SCAPER: variants seen among roughly 807,000 people sequenced by gnomAD.
SCAPER encodes the protein S-phase cyclin A associated protein in the ER, also known as S phase cyclin A-associated protein in the endoplasmic reticulum.
Under a neutral mutation model 182.2 loss-of-function variants are expected in SCAPER, and 98 were observed. The observed-to-expected ratio is 0.54, with a 90% CI of 0.46 to 0.64. SCAPER has a LOEUF of 0.64. SCAPER is among the 30% of genes least tolerant of loss of function. The pLI is 0.00. For synonymous variants in SCAPER, 605 were observed against 564.6 expected (o/e 1.07, Z -1.01); for missense variants, 1,432 against 1,690.0 (o/e 0.85, Z 2.68).
rs184145910 is a variant in SCAPER, at chr15:76,847,490, C to G, written c.196-5559G>C. On this transcript the variant is annotated intron_variant, in intron 4 of 31. Coordinates refer to ENST00000563290, the MANE Select transcript of SCAPER (RefSeq NM_020843.4). Reference sequence around the variant, plus strand: ...CTAAGAGTGTAACTAGATTATAATACAAAGGATAAATGTTTGAGGGGATGA... The same window carrying G: ...CTAAGAGTGTAACTAGATTATAATAGAAAGGATAAATGTTTGAGGGGATGA... 2.0e-5 allele frequency among the ~76,000 whole-genome samples: 3 copies of G among 152,130 alleles called. No individual in the cohort carries two copies. In the East Asian group the frequency reaches 5.8e-4, roughly 29 times the overall value.
intron 25 of SCAPER, among the ~76,000 whole-genome samples, chr15:76,437,947 GA>G (rs1346298748): frequency 6.6e-6 from 1 of 152,100 alleles, no homozygotes; most frequent in African/African-American, 2.4e-5. Context: ...ACTGTAACAA[GA>G]TGTGGTTTCT....
intron 15 of SCAPER, among the ~76,000 whole-genome samples, chr15:76,741,592 A>G (rs1483697548): frequency 6.6e-6 from 1 of 152,118 alleles, no homozygotes; most frequent in African/African-American, 2.4e-5. Context: ...CTGCCTACAG[A>G]GTTAGAGAAC....
chr15:76,361,034 A>G (rs907121650), intron 29 of SCAPER, among the ~76,000 whole-genome samples: 3 of 152,106 alleles, frequency 2.0e-5, no homozygotes, highest in African/African-American at 7.2e-5. Flanking sequence ...AAAAAAAAAA[A>G]AAAGGAAAGT....
At chr15:76,528,301 A>G (rs2043358366) in intron 23 of SCAPER, among the ~76,000 whole-genome samples, 1 of 151,910 alleles carries the variant, frequency 6.6e-6, no homozygotes, top group Non-Finnish European at 1.5e-5. Flanking sequence ...ATCCATTTCT[A>G]CTGTTTCCTT....
chr15:76,777,531 C>T (rs1481825557), intron 8 of SCAPER, among the ~76,000 whole-genome samples: 2 of 87,824 alleles, frequency 2.3e-5, no homozygotes, highest in Non-Finnish European at 5.1e-5. Context: ...CCCATCTCTA[C>T]TAAATACAAA....
In SCAPER at chr15:76,851,450, G is replaced by T. The variant is rs149379167; in HGVS notation, c.195+6359C>A. ...GAAGGTAGCTTTAATAGAGAGAAAG[G>T]GCAGGTCACCTACAAAGGGAACCTC... On this transcript the variant is annotated intron_variant, in intron 4 of 31. Coordinates refer to ENST00000563290, the MANE Select transcript of SCAPER (RefSeq NM_020843.4). Among the ~76,000 whole-genome samples the T allele has an allele frequency of 6.0e-3, 907 of 151,816 alleles. 4 individuals carry two copies. The highest frequency in any genetic ancestry group is 0.021 in the African/African-American group (874 of 41,362).
chr15:76,681,794 C>T (rs745673609), intron 20 of SCAPER, among the ~76,000 whole-genome samples: 1 of 152,078 alleles, frequency 6.6e-6, no homozygotes, highest in Non-Finnish European at 1.5e-5. Flanking sequence ...CTTAGAGGGG[C>T]GGTAGGGGCA....
intron 14 of SCAPER, among the ~76,000 whole-genome samples, chr15:76,755,884 G>C (rs2062392858): frequency 6.6e-6 from 1 of 152,158 alleles, no homozygotes. Flanking sequence ...ACGAAGGCCA[G>C]CAAATAACTG....
chr15:76,568,554 G>A (rs947044336), intron 23 of SCAPER, among the ~76,000 whole-genome samples: 5 of 151,796 alleles, frequency 3.3e-5, no homozygotes, highest in Non-Finnish European at 5.9e-5. Context: ...ACGGGGTTTC[G>A]CCATGTTGGC....
At chr15:76,629,625 G>C (rs1376918723) in intron 21 of SCAPER, among the ~76,000 whole-genome samples, 1 of 152,152 alleles carries the variant, frequency 6.6e-6, no homozygotes, top group African/African-American at 2.4e-5. Flanking sequence ...TGATTGTGGT[G>C]GATAAGCTTT....
At chr15:76,651,152 T>G (rs2146525946) in intron 21 of SCAPER, among the ~76,000 whole-genome samples, 1 of 151,674 alleles carries the variant, frequency 6.6e-6, no homozygotes, top group African/African-American at 2.4e-5. Flanking sequence ...TAAAAAATAA[T>G]AAAGAACATG....
chr15:76,672,660 TA>T (rs2057107575), intron 20 of SCAPER, among the ~76,000 whole-genome samples: 6 of 151,978 alleles, frequency 3.9e-5, no homozygotes, highest in Admixed American at 3.3e-4. Flanking sequence ...AATTTTTTAA[TA>T]AAAAATGATT....
intron 23 of SCAPER, among the ~76,000 whole-genome samples, chr15:76,540,930 G>A (rs926793854): frequency 1.3e-5 from 2 of 151,970 alleles, no homozygotes; most frequent in Admixed American, 1.3e-4. Context: ...AGACCAGCCT[G>A]ACCAAGATGA....
At chr15:76,605,248 G>T (rs949460209) in intron 22 of SCAPER, among the ~76,000 whole-genome samples, 7 of 152,090 alleles carry the variant, frequency 4.6e-5, no homozygotes, top group African/African-American at 1.7e-4. Context: ...GTTGAATTTT[G>T]TCAAAGGCCT....
intron 22 of SCAPER, among the ~76,000 whole-genome samples, chr15:76,602,134 T>C (rs904439499): frequency 3.3e-5 from 4 of 121,162 alleles, no homozygotes; most frequent in African/African-American, 1.0e-4. Flanking sequence ...GTTGCTATTA[T>C]TATTTTGAAC....
At chr15:76,624,493 C>T (rs933396760) in intron 21 of SCAPER, among the ~76,000 whole-genome samples, 1 of 152,194 alleles carries the variant, frequency 6.6e-6, no homozygotes, top group African/African-American at 2.4e-5. Flanking sequence ...CCTGCAGATT[C>T]AATGCTATTC....
chr15:76,495,183 T>G (rs1029802797), intron 24 of SCAPER, among the ~76,000 whole-genome samples: 10 of 152,084 alleles, frequency 6.6e-5, no homozygotes, highest in African/African-American at 1.7e-4. Flanking sequence ...CCAGAGCAAT[T>G]TTTTCTTAAT....
chr15:76,383,226 C>T (rs569488322), intron 27 of SCAPER, among the ~76,000 whole-genome samples: 1 of 152,140 alleles, frequency 6.6e-6, no homozygotes, highest in South Asian at 2.1e-4. Flanking sequence ...ACTATGCTTA[C>T]TTCATTATCT....
At chr15:76,876,369 C>T (rs1393604216) in intron 2 of SCAPER, among the ~76,000 whole-genome samples, 3 of 150,292 alleles carry the variant, frequency 2.0e-5, no homozygotes, top group African/African-American at 7.4e-5. Flanking sequence ...AGCACGCTGT[C>T]ACCTCTCAAG....
Sources: gnomAD v4.1 joint callset for allele counts (sites outside exome capture counted in the v4.1 genomes callset) on GRCh38, gnomAD v4.1.1 for gene constraint, MANE v1.5 for transcripts, NCBI Gene and HGNC (gene_info 2026-07-23, HGNC 2026-07-21) for gene names.